Variants in CEP70 observed in about 807,000 individuals in gnomAD.
CEP70 encodes the protein centrosomal protein of 70 kDa.
In CEP70, 70 loss-of-function variants were observed where a neutral mutation model predicts 90.9. The observed-to-expected ratio is 0.77, with a 90% CI of 0.64 to 0.94. The LOEUF (loss-of-function observed/expected upper bound fraction) is 0.94, where lower values mean the gene tolerates loss of function less well. Ranked by LOEUF, CEP70 falls within the 40% of genes least tolerant of loss-of-function variation. CEP70 has a pLI of 0.00. For synonymous variants in CEP70, 220 were observed against 228.3 expected, an observed-to-expected ratio of 0.96 and a Z score of 0.33; for missense variants, 648 against 669.0, an observed-to-expected ratio of 0.97 and a Z score of 0.35.
chr3:138,497,628 A>G (rs2034066638), intron 17 of CEP70: 3 of 957,614 alleles, frequency 3.1e-6, no homozygotes, highest in Non-Finnish European at 3.7e-6. Context: ...ATATAACCAG[A>G]GAGGAAATAT....
At chr3:138,539,503 G>A (rs1216063403) in intron 6 of CEP70, among the ~76,000 whole-genome samples, 1 of 152,050 alleles carries the variant, frequency 6.6e-6, no homozygotes, top group Non-Finnish European at 1.5e-5. Context: ...AAAACAAACA[G>A]AAATCCTGGG....
At chr3:138,577,827 T>A (rs1251173993) in intron 2 of CEP70, among the ~76,000 whole-genome samples, 2 of 152,082 alleles carry the variant, frequency 1.3e-5, no homozygotes, top group East Asian at 3.8e-4. Context: ...TTTTTAAAAA[T>A]CAAGCTATAT....
chr3:138,591,805 T>C, intron 2 of CEP70, 49 bp downstream of exon 2: 1 of 1,497,168 alleles, frequency 6.7e-7, no homozygotes, highest in Non-Finnish European at 9.0e-7. Flanking sequence ...TATTAGATTT[T>C]TTTCCATGGC....
intron 2 of CEP70, among the ~76,000 whole-genome samples, chr3:138,578,245 G>C (rs1025442164): frequency 1.3e-5 from 2 of 152,068 alleles, no homozygotes; most frequent in Non-Finnish European, 2.9e-5. Context: ...TTATTCTCAC[G>C]AACACTAAAA....
chr3:138,583,581 A>G (rs959064193), intron 2 of CEP70, among the ~76,000 whole-genome samples: 2 of 152,226 alleles, frequency 1.3e-5, no homozygotes, highest in Non-Finnish European at 2.9e-5. Flanking sequence ...AAACATTAAA[A>G]ACAAACTGGA....
chr3:138,521,743 T>A (rs890581923), intron 11 of CEP70, among the ~76,000 whole-genome samples: 4 of 151,814 alleles, frequency 2.6e-5, no homozygotes, highest in Non-Finnish European at 5.9e-5. Flanking sequence ...GTCTGGGAAG[T>A]GAGGAGCCCT....
At chr3:138,542,934 T>C (rs923299293) in intron 6 of CEP70, among the ~76,000 whole-genome samples, 2 of 151,960 alleles carry the variant, frequency 1.3e-5, no homozygotes, top group Admixed American at 6.6e-5. Flanking sequence ...TCCCAATGAG[T>C]TGATGAGTCC....
At chr3:138,556,479 G>C (rs2040011877) in intron 6 of CEP70, among the ~76,000 whole-genome samples, 1 of 127,226 alleles carries the variant, frequency 7.9e-6, no homozygotes, top group Non-Finnish European at 1.6e-5. Flanking sequence ...GGTGAGCTTA[G>C]ATTGTGCCAC....
intron 6 of CEP70, among the ~76,000 whole-genome samples, chr3:138,561,049 AAACT>A: frequency 6.6e-6 from 1 of 152,234 alleles, no homozygotes; most frequent in East Asian, 1.9e-4. Context: ...GCTAAAGGTC[AAACT>A]AACTCCTCAA....
intron 2 of CEP70, among the ~76,000 whole-genome samples, chr3:138,577,507 G>T (rs1018486277): frequency 6.6e-6 from 1 of 152,092 alleles, no homozygotes; most frequent in African/African-American, 2.4e-5. Flanking sequence ...AATTAGCCGG[G>T]TGTGGTGGCT....
chr3:138,554,522 C>T (rs1040056730), intron 6 of CEP70, among the ~76,000 whole-genome samples: 1 of 152,122 alleles, frequency 6.6e-6, no homozygotes, highest in East Asian at 1.9e-4. Flanking sequence ...AAGAGGAAGT[C>T]GAACTACTGC....
At chr3:138,551,312 T>G (rs745750555) in intron 6 of CEP70, among the ~76,000 whole-genome samples, 7 of 152,200 alleles carry the variant, frequency 4.6e-5, no homozygotes, top group Non-Finnish European at 7.3e-5. Context: ...AAACAAATGC[T>G]GAGAGAATTC....
intron 6 of CEP70, among the ~76,000 whole-genome samples, chr3:138,551,762 AAT>A (rs2039640937): frequency 6.7e-6 from 1 of 150,028 alleles, no homozygotes; most frequent in Non-Finnish European, 1.5e-5. Flanking sequence ...AAAAAAATAA[AAT>A]AAAACAAAAC....
In CEP70 at chr3:138,508,540, G is replaced by A. The variant is rs2035209449; in HGVS notation, c.949C>T (p.Gln317Ter). ...EKALKKNVKL[Q>*]ELINHKKAED... ...GCCTTCTTATGATTAATAAGCTCCTGTAATCTAAAAGGGGGAAAAAAATCA... is the reference window on the plus strand; with the variant it reads ...GCCTTCTTATGATTAATAAGCTCCTATAATCTAAAAGGGGGAAAAAAATCA... Residue 317 changes from glutamine (Q) to a stop codon, truncating the protein, a stop_gained, in exon 12 of 18, where the codon CAG (glutamine) becomes TAG (stop). Transcript: ENST00000264982. LOFTEE classifies it high-confidence loss of function. 1.3e-6 allele frequency: 2 copies of A among 1,594,694 alleles called. No homozygotes were observed. The highest frequency in any genetic ancestry group is 3.3e-4 in the Middle Eastern group (2 of 6,022).
chr3:138,542,112 A>G (rs1376985051), intron 6 of CEP70, among the ~76,000 whole-genome samples: 2 of 152,182 alleles, frequency 1.3e-5, no homozygotes, highest in Non-Finnish European at 2.9e-5. Context: ...CCAGGTGCAG[A>G]GCAGTGAGGG....
At chr3:138,579,379 C>T (rs951556484) in intron 2 of CEP70, among the ~76,000 whole-genome samples, 1 of 152,000 alleles carries the variant, frequency 6.6e-6, no homozygotes, top group African/African-American at 2.4e-5. Context: ...AGACAACAGC[C>T]AGGGCAACTA....
intron 6 of CEP70, among the ~76,000 whole-genome samples, chr3:138,550,665 T>C (rs550217992): frequency 6.0e-4 from 91 of 152,100 alleles, no homozygotes; most frequent in Non-Finnish European, 1.0e-3. Context: ...GCCTGGCCAA[T>C]TGCATAAATT....
Position 138,572,928 on chromosome 3 carries a change from A to G in CEP70, c.-1T>C, listed in dbSNP as rs762740415. 6 of 1,607,880 alleles carry G rather than the reference A, an allele frequency of 3.7e-6. No homozygotes were observed. The highest frequency in any genetic ancestry group is 5.1e-6 in the Non-Finnish European group (6 of 1,176,386). ...GGGGTTTAGGGGCTACCGGAAACAT[A>G]GTTACTTTTGTAGAATCAAAAGAAA... On this transcript the variant is annotated 5_prime_UTR_variant, in exon 3 of 18. Coordinates refer to ENST00000264982, the MANE Select transcript of CEP70 (RefSeq NM_024491.4).
Position 138,500,195 on chromosome 3 carries a change from T to G in CEP70, c.1567A>C (p.Ser523Arg), listed in dbSNP as rs1290274129. ...DSSSSLCVLV[S>R]TVGKLCRLIN... is the part of the protein sequence containing the mutation. ...AGCCTACAGAGTTTTCCAACAGTGC[T>G]TACTAGCACACACAATGAGGATGAA... Residue 523 changes from serine (S) to arginine (R), a missense_variant, in exon 16 of 18, where the codon AGC (serine) becomes CGC (arginine). Ser to Arg is a moderately radical substitution (Grantham distance 110, BLOSUM62 -1). Transcript: ENST00000264982. 2 of 1,613,156 alleles carry G rather than the reference T, an allele frequency of 1.2e-6. No individual in the cohort carries two copies. Among genetic ancestry groups the G allele is most frequent in the Non-Finnish European group, 1.7e-6 (2 of 1,179,114 alleles).
Sources: gnomAD v4.1 joint callset for allele counts (sites outside exome capture counted in the v4.1 genomes callset) on GRCh38, gnomAD v4.1.1 for gene constraint, MANE v1.5 for transcripts, NCBI Gene and HGNC (gene_info 2026-07-23, HGNC 2026-07-21) for gene names.